Variants in GAREM1 observed in about 807,000 individuals in gnomAD.
GAREM1 encodes GRB2 associated regulator of MAPK1 subtype 1, also known as GRB2-associated and regulator of MAPK protein 1.
A neutral mutation model predicts 71.3 loss-of-function variants in GAREM1; 26 were observed. The observed-to-expected ratio is 0.36, with a 90% confidence interval of 0.27 to 0.51. GAREM1 has a LOEUF of 0.51. Ranked by LOEUF, GAREM1 falls within the 20% of genes least tolerant of loss-of-function variation. The pLI, the probability that GAREM1 is intolerant of heterozygous loss-of-function variation, is 0.95. For synonymous variants in GAREM1, 440 were observed against 433.2 expected, an observed-to-expected ratio of 1.02 and a Z score of -0.20; for missense variants, 1,026 against 1,103.1, an observed-to-expected ratio of 0.93 and a Z score of 0.99.
intron 3 of GAREM1, among the ~76,000 whole-genome samples, chr18:32,296,772 C>T (rs893099459): frequency 6.7e-6 from 1 of 150,312 alleles, no homozygotes; most frequent in Non-Finnish European, 1.5e-5. Context: ...AACTCCTAGG[C>T]TCAAGTGATC....
At chr18:32,296,324 T>C (rs901890861) in intron 3 of GAREM1, among the ~76,000 whole-genome samples, 1 of 152,256 alleles carries the variant, frequency 6.6e-6, no homozygotes, top group Non-Finnish European at 1.5e-5. Context: ...AGAAAGTTCC[T>C]GTATACTCTT....
In GAREM1 at chr18:32,330,338, G is replaced by A. The variant is rs189997232; in HGVS notation, c.263-20015C>T. 1.1e-4 allele frequency among the ~76,000 whole-genome samples: 16 copies of A among 152,222 alleles called. No homozygotes were observed. The East Asian group carries it at 1.4e-3, about 13-fold the overall frequency. On this transcript the variant is annotated intron_variant, in intron 2 of 5. Transcript: ENST00000269209. ...CATGGACATCAAGATGGCAGCAATC[G>A]ACACTGGGGACTACTAGTTGTGGGG...
chr18:32,354,904 A>G (rs2047789482), intron 2 of GAREM1, among the ~76,000 whole-genome samples: 1 of 152,194 alleles, frequency 6.6e-6, no homozygotes, highest in Non-Finnish European at 1.5e-5. Flanking sequence ...GTGTCAGTGA[A>G]CTCTGTTCCA....
At chr18:32,284,437 C>A (rs77346534) in intron 4 of GAREM1, among the ~76,000 whole-genome samples, 1 of 152,126 alleles carries the variant, frequency 6.6e-6, no homozygotes, top group Non-Finnish European at 1.5e-5. Flanking sequence ...AAGGGCAAAG[C>A]TGGACCTCTT....
intron 1 of GAREM1, among the ~76,000 whole-genome samples, chr18:32,425,393 A>C (rs535084654): frequency 1.3e-5 from 2 of 152,250 alleles, no homozygotes; most frequent in South Asian, 2.1e-4. Flanking sequence ...AGTGATTCCA[A>C]GTATTTTCAT....
intron 1 of GAREM1, among the ~76,000 whole-genome samples, chr18:32,416,579 A>G (rs999196632): frequency 2.0e-5 from 3 of 152,136 alleles, no homozygotes; most frequent in Non-Finnish European, 2.9e-5. Flanking sequence ...CACACCTACA[A>G]TGAACTCATT....
chr18:32,323,064 G>A (rs748476127), intron 2 of GAREM1, among the ~76,000 whole-genome samples: 14 of 152,200 alleles, frequency 9.2e-5, no homozygotes, highest in Non-Finnish European at 1.9e-4. Flanking sequence ...ATTGATAAAA[G>A]TAGAAATGAT....
intron 4 of GAREM1, among the ~76,000 whole-genome samples, chr18:32,274,294 T>A (rs1307090886): frequency 2.0e-5 from 3 of 152,176 alleles, no homozygotes; most frequent in African/African-American, 4.8e-5. Context: ...TACTCTTTGC[T>A]TCTTGATTTG....
At chr18:32,278,575 C>T (rs1470871112) in intron 4 of GAREM1, among the ~76,000 whole-genome samples, 1 of 152,166 alleles carries the variant, frequency 6.6e-6, no homozygotes, top group Non-Finnish European at 1.5e-5. Flanking sequence ...AGTTTTGTAA[C>T]CATGCTTCCT....
intron 1 of GAREM1, among the ~76,000 whole-genome samples, chr18:32,459,095 T>C (rs2048927848): frequency 6.6e-6 from 1 of 152,132 alleles, no homozygotes; most frequent in Non-Finnish European, 1.5e-5. Context: ...AGAATATTAA[T>C]AATGAAGGAA....
Position 32,265,559 on chromosome 18 carries a change from G to A in GAREM1, c.*2312C>T, listed in dbSNP as rs533468997. The A allele has an allele frequency of 1.4e-4, 21 of 152,318 alleles. No homozygotes were observed. Among genetic ancestry groups the A allele is most frequent in the Non-Finnish European group, 2.5e-4 (17 of 68,032 alleles). 9.4% of individuals were successfully genotyped at this position (152,318 alleles called of 1,614,324 possible). A position where few individuals can be genotyped will look rare whatever the true frequency, so the allele number is the denominator to read the frequency against. On this transcript the variant is annotated 3_prime_UTR_variant, in exon 6 of 6. Transcript: ENST00000269209. ...CTCAGCACTGTAGTGATACTAGACT[G>A]TAGCATAAGTGAATCAAAGGCCACA...
intron 3 of GAREM1, among the ~76,000 whole-genome samples, chr18:32,304,991 G>A (rs2047238796): frequency 6.6e-6 from 1 of 151,972 alleles, no homozygotes; most frequent in African/African-American, 2.4e-5. Flanking sequence ...AACATGAGAA[G>A]AAACATGGTT....
Position 32,287,331 on chromosome 18 carries a change from G to C in GAREM1, c.1266C>G (p.Pro422=). ...DWAPFPHDIL[P]YQDSGDSGSD... is the part of the protein sequence containing the mutation. ...TCCCACTATCTCCAGAGTCCTGATA[G>C]GGCAGGATGTCATGAGGAAAGGGAG... The change falls in exon 4 of 6, where the codon CCC becomes CCG. Residue 422 remains proline, a synonymous_variant. Coordinates refer to ENST00000269209, the MANE Select transcript of GAREM1 (RefSeq NM_001242409.2). This position sits in a 1 kb window ranked among gnomAD's most constrained non-coding sequence, Gnocchi z 5.9. 6.2e-7 allele frequency: 1 copy of C among 1,614,190 alleles called. No individual in the cohort carries two copies. The highest frequency in any genetic ancestry group is 8.5e-7 in the Non-Finnish European group (1 of 1,180,044).
Position 32,441,233 on chromosome 18 carries a change from T to C in GAREM1, c.121+29075A>G, listed in dbSNP as rs79229568. ...TAAAGATATGGAAGACAATATATAT[T>C]TTAACTAAGAATACTTAACAATTTT... On this transcript the variant is annotated intron_variant, in intron 1 of 5. Transcript: ENST00000269209. 5.9e-5 allele frequency among the ~76,000 whole-genome samples: 9 copies of C among 152,224 alleles called. No homozygotes were observed. The East Asian group carries it at 1.5e-3, about 26-fold the overall frequency.
rs2048289179 is a variant in GAREM1, at chr18:32,399,385, C to T, written c.122-6350G>A. Among the ~76,000 whole-genome samples, 4 of 152,214 alleles carry T rather than the reference C, an allele frequency of 2.6e-5. No individual in the cohort carries two copies. The South Asian group carries it at 6.2e-4, about 24-fold the overall frequency. On this transcript the variant is annotated intron_variant, in intron 1 of 5. Transcript: ENST00000269209. ...TAGGAAAAGAGGAAGTCAAATTGTC[C>T]GTGTTTACAGATGACATGATTGTAT... is the stretch of plus-strand genomic sequence containing the variant.
At chr18:32,461,650 G>C (rs899291013) in intron 1 of GAREM1, among the ~76,000 whole-genome samples, 2 of 152,018 alleles carry the variant, frequency 1.3e-5, no homozygotes, top group African/African-American at 4.8e-5. Flanking sequence ...AGCAATGATC[G>C]CACCACTGCA....
intron 1 of GAREM1, among the ~76,000 whole-genome samples, chr18:32,468,689 C>G (rs912015131): frequency 6.0e-4 from 91 of 152,302 alleles, no homozygotes; most frequent in African/African-American, 2.1e-3. Flanking sequence ...CCCCTTTAAA[C>G]TTTCAGTTTA....
At chr18:32,364,408 TACACACATGCACAC>T (rs1156886681) in intron 2 of GAREM1, among the ~76,000 whole-genome samples, 2 of 151,896 alleles carry the variant, frequency 1.3e-5, no homozygotes, top group Admixed American at 6.6e-5. Flanking sequence ...TACCCACACG[TACACACATGCACAC>T]ACACACATGC....
At chr18:32,274,142 T>C (rs1024020577) in intron 4 of GAREM1, among the ~76,000 whole-genome samples, 2 of 152,182 alleles carry the variant, frequency 1.3e-5, no homozygotes, top group East Asian at 1.9e-4. Context: ...GCTCCGATGA[T>C]GGCCTATTTC....
Sources: allele counts gnomAD v4.1 joint callset (sites outside exome capture counted in the v4.1 genomes callset), GRCh38; gene constraint gnomAD v4.1.1; non-coding constraint Gnocchi (gnomAD v3.1); transcripts MANE v1.5; gene names NCBI Gene and HGNC (gene_info 2026-07-23, HGNC 2026-07-21).